DHRS2: variants seen among roughly 807,000 people sequenced by gnomAD.
DHRS2 encodes dehydrogenase/reductase 2.
A neutral mutation model predicts 26.3 loss-of-function variants in DHRS2; 29 were observed. The observed-to-expected ratio is 1.10, with a 90% CI of 0.82 to 1.50. The LOEUF (loss-of-function observed/expected upper bound fraction) is 1.50. Among genes scored for constraint, DHRS2 ranks in the 40% most tolerant of loss-of-function variants. The pLI is 0.00. For missense variants in DHRS2, 439 were observed against 367.1 expected, an observed-to-expected ratio of 1.20 and a Z score of -1.60; for synonymous variants, 164 against 151.3, an observed-to-expected ratio of 1.08 and a Z score of -0.62.
At chr14:23,630,920 A>T (rs1431913026) in intron 1 of DHRS2, among the ~76,000 whole-genome samples, 2 of 151,368 alleles carry the variant, frequency 1.3e-5, no homozygotes, top group East Asian at 1.9e-4. Context: ...AGATAAGGGG[A>T]GTTGTGGGAG....
intron 4 of DHRS2, chr14:23,640,829 C>G (rs991695342): frequency 6.6e-6 from 1 of 152,260 alleles, no homozygotes; most frequent in Non-Finnish European, 1.5e-5. Flanking sequence ...TGCTGAGCAG[C>G]TTCCCCAGGC....
chr14:23,639,482 G>A, intron 3 of DHRS2, 126 bp downstream of exon 3: 1 of 1,323,898 alleles, frequency 7.6e-7, no homozygotes, highest in Non-Finnish European at 1.0e-6. Context: ...GGCTGCCCAA[G>A]CTAACCTCGC....
At chr14:23,638,749 C>A in intron 1 of DHRS2, 78 bp from the exon 2 acceptor site, 5 of 1,439,260 alleles carry the variant, frequency 3.5e-6, no homozygotes, top group Non-Finnish European at 3.8e-6. Context: ...CCTTGTCTGT[C>A]TGGAGGAAGG....
At position 23,645,151 on chromosome 14, in the gene DHRS2, G is replaced by C; in HGVS notation, c.741G>C (p.Glu247Asp). The C allele has an allele frequency of 6.2e-7, 1 of 1,614,128 alleles. No homozygotes were observed. The highest frequency in any genetic ancestry group is 1.1e-5 in the South Asian group (1 of 91,076). The part of the protein sequence containing the change: ...KEHHQLQRIG[E>D]SEDCAGIVSF... Reference sequence around the variant, plus strand: ...TCCTTCTTCCATCCAGGATTGGGGAGTCAGAGGACTGTGCAGGAATCGTGT... The same window carrying C: ...TCCTTCTTCCATCCAGGATTGGGGACTCAGAGGACTGTGCAGGAATCGTGT... The change falls in exon 9 of 9, where the codon GAG becomes GAC. Residue 247 changes from glutamate (E) to aspartate (D), a missense_variant. By Grantham distance (45) the Glu-to-Asp change is conservative. Coordinates refer to ENST00000250383, the MANE Select transcript of DHRS2 (RefSeq NM_005794.4).
chr14:23,639,921 G>T, intron 4 of DHRS2, 26 bp downstream of exon 4: 3 of 1,535,230 alleles, frequency 2.0e-6, no homozygotes, highest in South Asian at 1.2e-5. Context: ...TGGGGAGGCG[G>T]CTGAGGGCCC....
At chr14:23,644,793 A>G in intron 7 of DHRS2, 34 bp from the exon 8 acceptor site, 1 of 1,612,372 alleles carries the variant, frequency 6.2e-7, no homozygotes, top group Middle Eastern at 1.7e-4. Flanking sequence ...TTGTTTTAGT[A>G]GCACTGACTC....
At chr14:23,639,136 A>C in intron 2 of DHRS2, 43 bp from the exon 3 acceptor site, 1 of 1,605,172 alleles carries the variant, frequency 6.2e-7, no homozygotes, top group South Asian at 1.1e-5. Flanking sequence ...AGGACAGTGG[A>C]GAGAGGCTGA....
chr14:23,639,036 C>G, intron 2 of DHRS2, 32 bp downstream of exon 2: 1 of 1,607,966 alleles, frequency 6.2e-7, no homozygotes, highest in Non-Finnish European at 8.5e-7. Flanking sequence ...GGTCCTGGCC[C>G]CTCACAGGGT....
chr14:23,639,160 C>T lies in DHRS2; in HGVS notation c.141-19C>T, dbSNP rs375239898. 3.8e-4 allele frequency: 611 copies of T among 1,610,610 alleles called. 8 individuals carry two copies. In the South Asian group the frequency reaches 6.2e-3, roughly 16 times the overall value. On this transcript the variant is annotated intron_variant, in intron 2 of 8. Coordinates refer to ENST00000250383, the MANE Select transcript of DHRS2 (RefSeq NM_005794.4). ...GAGAGAGGCTGAGGCTGACTTTTGC[C>T]CTCCATCTCTGCATTCAGGATCGGC...
upstream of DHRS2, among the ~76,000 whole-genome samples, chr14:23,631,661 C>T (rs1038162099): frequency 6.6e-6 from 1 of 152,068 alleles, no homozygotes; most frequent in African/African-American, 2.4e-5. Context: ...CTTCCCCACC[C>T]CCAAATTTGG....
Position 23,639,165 on chromosome 14 carries a change from A to G in DHRS2, c.141-14A>G. ...AGGCTGAGGCTGACTTTTGCCCTCC[A>G]TCTCTGCATTCAGGATCGGCTTTGC... On this transcript the variant is annotated splice_polypyrimidine_tract_variant and intron_variant, in intron 2 of 8. Transcript: ENST00000250383. The G allele has an allele frequency of 2.5e-6, 4 of 1,611,704 alleles. No homozygotes were observed. Among genetic ancestry groups the G allele is most frequent in the African/African-American group, 1.3e-5 (1 of 75,016 alleles).
At chr14:23,633,391 C>A (rs1461184056), upstream of DHRS2, among the ~76,000 whole-genome samples, 1 of 152,190 alleles carries the variant, frequency 6.6e-6, no homozygotes, top group Non-Finnish European at 1.5e-5. Flanking sequence ...CATGAGCCCC[C>A]CATTCTCTGT....
At chr14:23,630,630 C>T (rs1411825460) in intron 1 of DHRS2, among the ~76,000 whole-genome samples, 1 of 152,200 alleles carries the variant, frequency 6.6e-6, no homozygotes. Flanking sequence ...ATGTGAGGAC[C>T]ATGACCCATG....
At chr14:23,641,413 C>T (rs1019346499) in intron 4 of DHRS2, 2 of 326,104 alleles carry the variant, frequency 6.1e-6, no homozygotes, top group Non-Finnish European at 1.2e-5. Flanking sequence ...GGATAGTTCT[C>T]TGCTCAGAAC....
chr14:23,644,613 C>A (rs1890801317), intron 7 of DHRS2, 70 bp downstream of exon 7: 1 of 1,608,902 alleles, frequency 6.2e-7, no homozygotes, highest in Non-Finnish European at 8.5e-7. Context: ...AATAAGGGAT[C>A]AAGGGGTGAC....
chr14:23,638,739 C>T (rs2138375370), intron 1 of DHRS2, 88 bp from the exon 2 acceptor site: 7 of 1,365,358 alleles, frequency 5.1e-6, no homozygotes, highest in East Asian at 4.7e-5. Flanking sequence ...CTGTTGCTGG[C>T]CTTGTCTGTC....
chr14:23,638,759 G>A (rs1205375228), intron 1 of DHRS2, 68 bp from the exon 2 acceptor site: 1 of 1,469,454 alleles, frequency 6.8e-7, no homozygotes, highest in South Asian at 1.3e-5. Flanking sequence ...CTGGAGGAAG[G>A]AGGAGGGTAG....
chr14:23,644,321 G>A, intron 6 of DHRS2, 88 bp from the exon 7 acceptor site: 3 of 1,586,526 alleles, frequency 1.9e-6, no homozygotes, highest in Non-Finnish European at 2.6e-6. Flanking sequence ...GGGCTGCTGG[G>A]CCTGTGAGAT....
intron 1 of DHRS2, chr14:23,638,492 T>G: frequency 5.4e-6 from 1 of 183,596 alleles, no homozygotes; most frequent in Non-Finnish European, 1.1e-5. Flanking sequence ...GCTGAGTCTG[T>G]CGTTTACTAA....
Sources: gnomAD v4.1 joint callset for allele counts (sites outside exome capture counted in the v4.1 genomes callset) on GRCh38, gnomAD v4.1.1 for gene constraint, MANE v1.5 for transcripts, NCBI Gene and HGNC (gene_info 2026-07-23, HGNC 2026-07-21) for gene names.